Variants in DNMBP observed in about 807,000 individuals in gnomAD.
DNMBP encodes dynamin binding protein.
Under a neutral mutation model 150.0 loss-of-function variants are expected in DNMBP, and 87 were observed. That is an observed-to-expected ratio of 0.58 (90% CI 0.49 to 0.69). DNMBP has a LOEUF of 0.69. DNMBP is among the 30% of genes least tolerant of loss of function. The pLI, the probability that DNMBP is intolerant of heterozygous loss-of-function variation, is 0.00. For synonymous variants in DNMBP, 711 were observed against 750.4 expected, an observed-to-expected ratio of 0.95 and a Z score of 0.86; for missense variants, 1,774 against 1,949.0, an observed-to-expected ratio of 0.91 and a Z score of 1.69.
chr10:99,947,180 G>C (rs929499426), intron 4 of DNMBP, among the ~76,000 whole-genome samples: 1 of 152,202 alleles, frequency 6.6e-6, no homozygotes. Context: ...GGGGCTAAAA[G>C]TAGAACTATC....
rs71009798 is a variant in DNMBP at position 99,997,927 on chromosome 10, C to CAAAAAAA, written c.-11+11904_-11+11910dup. 2.2e-4 allele frequency among the ~76,000 whole-genome samples: 5 copies of CAAAAAAA among 22,330 alleles called. 1 individual carries two copies. Among genetic ancestry groups the CAAAAAAA allele is most frequent in the Non-Finnish European group, 4.0e-4 (5 of 12,548 alleles). 14.6% of individuals were successfully genotyped at this position (22,330 alleles called of 152,430 possible). ...TGGGTGACAGAATGAGACTCTGTCT[C>CAAAAAAA]AAAAAAAAAAAAAAAAAAAAAAAAA... On this transcript the variant is annotated intron_variant, in intron 1 of 16. Coordinates refer to ENST00000324109, the MANE Select transcript of DNMBP (RefSeq NM_015221.4).
At chr10:99,992,888 C>CA (rs1326290620) in intron 1 of DNMBP, among the ~76,000 whole-genome samples, 2 of 151,816 alleles carry the variant, frequency 1.3e-5, no homozygotes, top group African/African-American at 4.8e-5. Flanking sequence ...ACAAAAAATA[C>CA]AAAAAATTAG....
chr10:99,954,619 C>T (rs1003356962), intron 4 of DNMBP, among the ~76,000 whole-genome samples: 3 of 151,764 alleles, frequency 2.0e-5, no homozygotes, highest in Admixed American at 1.3e-4. Context: ...TGGCGCTTGC[C>T]TGTAATCCCA....
intron 4 of DNMBP, among the ~76,000 whole-genome samples, chr10:99,938,073 G>A (rs2040253549): frequency 6.6e-6 from 1 of 152,168 alleles, no homozygotes; most frequent in African/African-American, 2.4e-5. Context: ...ACAATTCTAT[G>A]ATCTTGCTTA....
intron 4 of DNMBP, among the ~76,000 whole-genome samples, chr10:99,943,008 TGTG>T (rs774274680): frequency 6.6e-6 from 1 of 152,034 alleles, no homozygotes; most frequent in Non-Finnish European, 1.5e-5. Flanking sequence ...ATGGGCCAGG[TGTG>T]GTGGCTTACA....
At chr10:99,881,436 TA>T (rs2039366185) in intron 15 of DNMBP, among the ~76,000 whole-genome samples, 1 of 152,354 alleles carries the variant, frequency 6.6e-6, no homozygotes, top group Admixed American at 6.5e-5. Context: ...GGCTTTCAGC[TA>T]AAACTCAAGT....
In DNMBP at chr10:99,900,187, T is replaced by TA. The variant is rs2039718548; in HGVS notation, c.2555-122dup. The TA allele has an allele frequency of 9.8e-5, 90 of 921,806 alleles. 1 individual carries two copies. In the South Asian group the frequency reaches 1.4e-3, roughly 15 times the overall value. The allele number at this position is 921,806 out of a possible 1,614,324, so 57.1% of individuals were successfully genotyped here. Reference sequence around the variant, plus strand: ...TCCTACCTATTACAAGAAATGATACTAAGACTATCCATCAAATAGTAAGAA... The same window carrying TA: ...TCCTACCTATTACAAGAAATGATACTAAAGACTATCCATCAAATAGTAAGAA... On this transcript the variant is annotated intron_variant, in intron 6 of 16. Coordinates refer to ENST00000324109, the MANE Select transcript of DNMBP (RefSeq NM_015221.4).
At chr10:99,894,721 A>T (rs1435132248) in intron 11 of DNMBP, among the ~76,000 whole-genome samples, 1 of 152,228 alleles carries the variant, frequency 6.6e-6, no homozygotes, top group Non-Finnish European at 1.5e-5. Flanking sequence ...AAGACCAAAA[A>T]GAGGGTGGAA....
chr10:99,975,301 G>A (rs1394777847), intron 1 of DNMBP, among the ~76,000 whole-genome samples: 1 of 151,900 alleles, frequency 6.6e-6, no homozygotes, highest in Admixed American at 6.6e-5. Context: ...CGGAGTTGCA[G>A]TGAGCCAAAA....
chr10:99,981,927 A>G (rs1470035992), intron 1 of DNMBP, among the ~76,000 whole-genome samples: 1 of 152,220 alleles, frequency 6.6e-6, no homozygotes, highest in Admixed American at 6.5e-5. Context: ...TTTCTCTTGC[A>G]TCAGGTAACC....
At chr10:99,969,270 T>C (rs1445635613) in intron 2 of DNMBP, 33 bp from the exon 3 acceptor site, 1 of 1,612,012 alleles carries the variant, frequency 6.2e-7, no homozygotes, top group South Asian at 1.1e-5. Context: ...TAAATTTTAA[T>C]ACTGAGATTT....
chr10:99,893,318 G>A (rs2039601089), intron 11 of DNMBP, among the ~76,000 whole-genome samples: 1 of 152,180 alleles, frequency 6.6e-6, no homozygotes, highest in Non-Finnish European at 1.5e-5. Context: ...GTATCCACAA[G>A]GATATTCCTT....
chr10:99,931,101 C>G (rs2040151890), intron 4 of DNMBP: 3 of 224,670 alleles, frequency 1.3e-5, no homozygotes, highest in African/African-American at 6.8e-5. Flanking sequence ...TAGAGGCATT[C>G]TGCTACTCCA....
chr10:99,956,347 T>G lies in DNMBP; in HGVS notation c.1127A>C (p.Gln376Pro). Reference sequence around the variant, plus strand: ...GGGCCCTCCTGCGGTGTCCTCGTCCTGATAAGAGTTTCTGTCTGTGTCATA... The same window carrying G: ...GGGCCCTCCTGCGGTGTCCTCGTCCGGATAAGAGTTTCTGTCTGTGTCATA... ...SEYDTDRNSY[Q>P]DEDTAGGPPR... Residue 376 changes from glutamine to proline, a missense_variant, in exon 4 of 17, where the codon CAG (glutamine) becomes CCG (proline). By Grantham distance (76) the Gln-to-Pro change is moderately conservative. This residue lies in a region of DNMBP where 1,430 missense variants were observed against 1,492.5 expected (regional missense o/e 0.96). Coordinates refer to ENST00000324109, the MANE Select transcript of DNMBP (RefSeq NM_015221.4). 1 of 1,614,016 alleles carries G rather than the reference T, an allele frequency of 6.2e-7. No individual in the cohort carries two copies. Among genetic ancestry groups the G allele is most frequent in the Non-Finnish European group, 8.5e-7 (1 of 1,180,014 alleles).
intron 4 of DNMBP, among the ~76,000 whole-genome samples, chr10:99,923,144 A>G (rs898585807): frequency 6.6e-6 from 1 of 151,894 alleles, no homozygotes; most frequent in Non-Finnish European, 1.5e-5. Flanking sequence ...TAATCCTAGC[A>G]CTTTGGGAGG....
chr10:99,950,165 G>A (rs747833467), intron 4 of DNMBP, among the ~76,000 whole-genome samples: 4 of 152,140 alleles, frequency 2.6e-5, no homozygotes, highest in Non-Finnish European at 4.4e-5. Flanking sequence ...TTTGAAAAAC[G>A]GGAGTCTTCC....
At chr10:99,890,325 C>T (rs1471290321) in intron 11 of DNMBP, among the ~76,000 whole-genome samples, 2 of 152,170 alleles carry the variant, frequency 1.3e-5, no homozygotes, top group Non-Finnish European at 2.9e-5. Context: ...GTTAGTCAAT[C>T]TAATTTTATT....
At chr10:99,907,083 G>C (rs1453271054) in intron 6 of DNMBP, among the ~76,000 whole-genome samples, 3 of 152,126 alleles carry the variant, frequency 2.0e-5, no homozygotes, top group Non-Finnish European at 2.9e-5. Flanking sequence ...GGCCGAGGTG[G>C]GTAGATCGCT....
intron 3 of DNMBP, 101 bp downstream of exon 3, chr10:99,969,013 GA>G (rs760966055): frequency 7.9e-6 from 11 of 1,394,000 alleles, no homozygotes; most frequent in Non-Finnish European, 1.0e-5. Context: ...GGACTCTCTA[GA>G]GGTTAAGCCA....
Sources: allele counts gnomAD v4.1 joint callset (sites outside exome capture counted in the v4.1 genomes callset), GRCh38; gene constraint gnomAD v4.1.1; regional missense constraint gnomAD v4.1.1; transcripts MANE v1.5; gene names NCBI Gene and HGNC (gene_info 2026-07-23, HGNC 2026-07-21).